The following FBXW12 variants were observed in gnomAD, a reference collection of about 807,000 sequenced individuals.
The protein encoded by FBXW12 is F-box/WD repeat-containing protein 12.
FBXW12 carries 43 observed loss-of-function variants against 55.3 expected under a neutral mutation model. The ratio of observed to expected loss-of-function variants is 0.78; its 90% confidence interval spans 0.61 to 1.00. FBXW12 has a LOEUF of 1.00. Ranked by LOEUF, FBXW12 falls within the 50% of genes least tolerant of loss-of-function variation. FBXW12 has a pLI of 0.00. For missense variants in FBXW12, 524 were observed against 560.5 expected (o/e 0.93, Z 0.66); for synonymous variants, 184 against 203.8 (o/e 0.90, Z 0.83).
In FBXW12 at chr3:48,391,106, CAAAAAAAA is replaced by C. The variant is rs587685327; in HGVS notation, c.1296-3432_1296-3425del. Among the ~76,000 whole-genome samples, 118 of 82,910 alleles carry C rather than the reference CAAAAAAAA, an allele frequency of 1.4e-3. 1 individual carries two copies. The highest frequency in any genetic ancestry group is 4.7e-3 in the African/African-American group (105 of 22,298). 54.4% of individuals were successfully genotyped at this position (82,910 alleles called of 152,430 possible). A position where few individuals can be genotyped will look rare whatever the true frequency, so the allele number is the denominator to read the frequency against. ...GCAACATACAGAGACCCTGTCTCTACAAAAAAAAAAAAAAAAAAAAAAAAAAAAATAGC... is the reference window on the plus strand; with the variant it reads ...GCAACATACAGAGACCCTGTCTCTACAAAAAAAAAAAAAAAAAAAAATAGC... On this transcript the variant is annotated intron_variant, in intron 10 of 10. Transcript: ENST00000296438.
Position 48,373,563 on chromosome 3 carries a change from G to A in FBXW12, c.144G>A (p.Gln48=), listed in dbSNP as rs199748593. 76 of 1,613,986 alleles carry A rather than the reference G, an allele frequency of 4.7e-5. No individual in the cohort carries two copies. The Admixed American group carries it at 1.3e-3, about 27-fold the overall frequency. ...SDYLWRSLSL[Q]RWDCSNFTNQ... Reference sequence around the variant, plus strand: ...CTGTTTCCAGGTCACTATCTCTGCAGAGATGGGACTGCAGCAACTTCACCA... The same window carrying A: ...CTGTTTCCAGGTCACTATCTCTGCAAAGATGGGACTGCAGCAACTTCACCA... Residue 48 remains glutamine, a synonymous_variant, in exon 4 of 11, where the codon CAG becomes CAA. Coordinates refer to ENST00000296438, the MANE Select transcript of FBXW12 (RefSeq NM_207102.2).
Position 48,387,924 on chromosome 3 carries a change from T to G in FBXW12, c.1295+5839T>G, listed in dbSNP as rs148974029. Reference sequence around the variant, plus strand: ...TGATTTCTGACCTCTTTTTAAAATATAAGCATTTGGTGTTCTAAATTCTCC... The same window carrying G: ...TGATTTCTGACCTCTTTTTAAAATAGAAGCATTTGGTGTTCTAAATTCTCC... On this transcript the variant is annotated intron_variant, in intron 10 of 10. Coordinates refer to ENST00000296438, the MANE Select transcript of FBXW12 (RefSeq NM_207102.2). Among the ~76,000 whole-genome samples the G allele has an allele frequency of 8.1e-4, 124 of 152,320 alleles. No homozygotes were observed. The Middle Eastern group carries it at 0.01, about 13-fold the overall frequency.
intron 4 of FBXW12, among the ~76,000 whole-genome samples, chr3:48,374,689 C>A (rs1046231324): frequency 5.3e-5 from 8 of 151,548 alleles, no homozygotes; most frequent in Non-Finnish European, 7.4e-5. Context: ...TGGTCTTGAA[C>A]TCCTGAACTC....
intron 6 of FBXW12, 22 bp from the exon 7 acceptor site, chr3:48,379,378 G>T (rs200507985): frequency 1.1e-5 from 18 of 1,612,620 alleles, no homozygotes; most frequent in Non-Finnish European, 1.4e-5. Flanking sequence ...CTATTGATAT[G>T]GTGGGGATGC....
At chr3:48,380,935 C>T (rs368793294) in intron 8 of FBXW12, 23 bp downstream of exon 8, 22 of 1,595,066 alleles carry the variant, frequency 1.4e-5, no homozygotes, top group Middle Eastern at 1.7e-4. Context: ...ACATTAGAAA[C>T]GCTTGTTTCT....
In FBXW12 at chr3:48,393,744, T is replaced by G. The variant is rs911855651; in HGVS notation, c.1296-816T>G. Among the ~76,000 whole-genome samples the G allele has an allele frequency of 4.0e-5, 6 of 151,686 alleles. No individual in the cohort carries two copies. In the East Asian group the frequency reaches 1.2e-3, roughly 30 times the overall value. ...TTTGAGACCAGCCTGGGCAACATGCTGAGACCCCATCTCTATGAGAAAATA... is the reference window on the plus strand; with the variant it reads ...TTTGAGACCAGCCTGGGCAACATGCGGAGACCCCATCTCTATGAGAAAATA... On this transcript the variant is annotated intron_variant, in intron 10 of 10. Coordinates refer to ENST00000296438, the MANE Select transcript of FBXW12 (RefSeq NM_207102.2).
At chr3:48,381,025 T>TTG in intron 8 of FBXW12, 113 bp downstream of exon 8, 2 of 439,264 alleles carry the variant, frequency 4.6e-6, no homozygotes, top group Non-Finnish European at 6.8e-6. Context: ...ATTTCTAGTT[T>TTG]TTTTTTTTTT....
rs1290419514 is a variant in FBXW12, at chr3:48,372,684, T to C, written c.-84T>C. ...GGGCATGGGTGAAAATCTTTACAAG[T>C]GCTGCAGACTTTGGCAAAGCCTATA... On this transcript the variant is annotated splice_region_variant and 5_prime_UTR_variant, in exon 2 of 11. Coordinates refer to ENST00000296438, the MANE Select transcript of FBXW12 (RefSeq NM_207102.2). 1.2e-5 allele frequency: 20 copies of C among 1,610,480 alleles called. No individual in the cohort carries two copies. The African/African-American group carries it at 2.4e-4, about 19-fold the overall frequency.
chr3:48,379,403 G>A lies in FBXW12; in HGVS notation c.619G>A (p.Gly207Ser), dbSNP rs767695782. Residue 207 changes from glycine to serine, a missense_variant, in exon 7 of 11, where the codon GGC becomes AGC. Gly to Ser is a moderately conservative substitution (Grantham distance 56, BLOSUM62 0). Transcript: ENST00000296438. Reference protein sequence around the residue: ...LTKDGPFLMVGDAAGDIYTFT... With the variant: ...LTKDGPFLMVSDAAGDIYTFT... The stretch of plus-strand genomic sequence containing the variant: ...GGTGGGGATGCTTTGGTTTCAGGTT[G>A]GCGATGCTGCAGGTGACATCTACAC... 6.2e-7 allele frequency: 1 copy of A among 1,614,026 alleles called. No individual in the cohort carries two copies. The highest frequency in any genetic ancestry group is 2.2e-5 in the East Asian group (1 of 44,880).
At position 48,380,690 on chromosome 3, in the gene FBXW12, T is replaced by C. The variant is rs1000033582; in HGVS notation, c.775-12T>C. On this transcript the variant is annotated splice_polypyrimidine_tract_variant and intron_variant, in intron 7 of 10. Transcript: ENST00000296438. Reference sequence around the variant, plus strand: ...TCCCTGCCCCTGACCATGCATGCGATGCTCTCTTTAGGTATTCCTCACAGA... The same window carrying C: ...TCCCTGCCCCTGACCATGCATGCGACGCTCTCTTTAGGTATTCCTCACAGA... 6.2e-7 allele frequency: 1 copy of C among 1,604,284 alleles called. No individual in the cohort carries two copies. The highest frequency in any genetic ancestry group is 8.5e-7 in the Non-Finnish European group (1 of 1,170,952).
intron 6 of FBXW12, among the ~76,000 whole-genome samples, chr3:48,378,932 G>A (rs537191260): frequency 5.3e-5 from 8 of 152,162 alleles, no homozygotes; most frequent in Admixed American, 3.9e-4. Flanking sequence ...CATACCCTGC[G>A]AGTCAATCAC....
At chr3:48,381,027 T>TTG in intron 8 of FBXW12, 115 bp downstream of exon 8, 1 of 821,166 alleles carries the variant, frequency 1.2e-6, no homozygotes, top group Non-Finnish European at 1.8e-6. Context: ...TTCTAGTTTT[T>TTG]TTTTTTTTTT....
chr3:48,381,424 T>A (rs1381806335), intron 8 of FBXW12, among the ~76,000 whole-genome samples: 2 of 152,092 alleles, frequency 1.3e-5, no homozygotes, highest in Non-Finnish European at 2.9e-5. Flanking sequence ...CGAACACATA[T>A]AGATTTCCAT....
At chr3:48,385,338 TTGTGTG>T (rs60689779) in intron 10 of FBXW12, among the ~76,000 whole-genome samples, 57,528 of 148,810 alleles carry the variant, frequency 0.39, 11,124 homozygotes, top group Non-Finnish European at 0.45. Flanking sequence ...TGGTATTCCA[TTGTGTG>T]TGTGTGTGTG....
At chr3:48,383,444 T>C (rs2036805449) in intron 10 of FBXW12, among the ~76,000 whole-genome samples, 1 of 152,214 alleles carries the variant, frequency 6.6e-6, no homozygotes, top group Non-Finnish European at 1.5e-5. Flanking sequence ...ATTGAGTTTC[T>C]TAATATCGAG....
intron 10 of FBXW12, among the ~76,000 whole-genome samples, chr3:48,393,925 T>A (rs1047188804): frequency 2.0e-5 from 3 of 151,798 alleles, no homozygotes; most frequent in Non-Finnish European, 2.9e-5. Flanking sequence ...ACTACAGGCG[T>A]GCACCACCAC....
chr3:48,379,268 G>T, intron 6 of FBXW12, 132 bp from the exon 7 acceptor site: 1 of 834,782 alleles, frequency 1.2e-6, no homozygotes, highest in Non-Finnish European at 2.0e-6. Context: ...AGCTAGACTG[G>T]TCAGAGGTTT....
chr3:48,380,948 T>C (rs183584766), intron 8 of FBXW12, 36 bp downstream of exon 8: 2 of 1,545,844 alleles, frequency 1.3e-6, no homozygotes, highest in Non-Finnish European at 1.8e-6. Context: ...TTGTTTCTCT[T>C]CCTCATCACA....
At chr3:48,382,974 A>G (rs1210882460) in intron 10 of FBXW12, among the ~76,000 whole-genome samples, 2 of 152,232 alleles carry the variant, frequency 1.3e-5, no homozygotes, top group Non-Finnish European at 2.9e-5. Flanking sequence ...AGCATTTGTG[A>G]TAGTCAAGAG....
Sources: allele counts gnomAD v4.1 joint callset (sites outside exome capture counted in the v4.1 genomes callset), GRCh38; gene constraint gnomAD v4.1.1; transcripts MANE v1.5; gene names NCBI Gene and HGNC (gene_info 2026-07-23, HGNC 2026-07-21).